GALNT13: variants seen among roughly 807,000 people sequenced by gnomAD.
The protein encoded by GALNT13 is polypeptide N-acetylgalactosaminyltransferase 13.
A neutral mutation model predicts 64.2 loss-of-function variants in GALNT13; 28 were observed. That is an observed-to-expected ratio of 0.44 (90% confidence interval 0.32 to 0.60). The LOEUF (loss-of-function observed/expected upper bound fraction) is 0.60, where lower values mean the gene tolerates loss of function less well. GALNT13 is among the 20% of genes least tolerant of loss of function. The pLI, the probability that GALNT13 is intolerant of heterozygous loss-of-function variation, is 0.05. For missense variants in GALNT13, 577 were observed against 669.8 expected (o/e 0.86, Z 1.53); for synonymous variants, 214 against 224.6 (o/e 0.95, Z 0.42).
chr2:154,184,209 A>T (rs1686124565), intron 4 of GALNT13, among the ~76,000 whole-genome samples: 1 of 152,152 alleles, frequency 6.6e-6, no homozygotes, highest in South Asian at 2.1e-4. Context: ...CCTATAATCT[A>T]TTTTTTATAT....
chr2:154,181,760 T>C (rs1321538050), intron 4 of GALNT13, among the ~76,000 whole-genome samples: 1 of 152,066 alleles, frequency 6.6e-6, no homozygotes, highest in Admixed American at 6.6e-5. Context: ...TATTTTTTCA[T>C]ACTTTAAAAA....
At position 154,318,161 on chromosome 2, in the gene GALNT13, A is replaced by C. The variant is rs143728391; in HGVS notation, c.1156+16572A>C. ...TGTATTTGCTCTCATTTTCTTATTA[A>C]TTTGTGTGATTGATTATCCCTGGCT... On this transcript the variant is annotated intron_variant, in intron 9 of 12. Coordinates refer to ENST00000392825, the MANE Select transcript of GALNT13 (RefSeq NM_052917.4). Among the ~76,000 whole-genome samples, 557 of 152,142 alleles carry C rather than the reference A, an allele frequency of 3.7e-3. 7 individuals are homozygous for C. The highest frequency in any genetic ancestry group is 0.012 in the African/African-American group (508 of 41,512).
chr2:154,362,253 C>T (rs1449252256), intron 9 of GALNT13, among the ~76,000 whole-genome samples: 2 of 150,486 alleles, frequency 1.3e-5, no homozygotes, highest in Non-Finnish European at 3.0e-5. Context: ...ACCCCCACCC[C>T]ACCCCACATC....
At chr2:153,181,279 C>T in the GALNT13 span, among the ~76,000 whole-genome samples, 72 of 150,466 alleles carry the variant, frequency 4.8e-4, 1 homozygote, top group African/African-American at 1.5e-3. Context: ...TTCAGGAGTA[C>T]GTTTTAAAAT....
At chr2:153,200,153 G>T in the GALNT13 span, among the ~76,000 whole-genome samples, 1 of 152,210 alleles carries the variant, frequency 6.6e-6, no homozygotes, top group Non-Finnish European at 1.5e-5. Context: ...TCACCCTTGA[G>T]ACTGAAATCA....
intron 4 of GALNT13, among the ~76,000 whole-genome samples, chr2:154,208,814 T>C (rs1002278679): frequency 6.6e-5 from 10 of 152,164 alleles, no homozygotes; most frequent in Non-Finnish European, 1.5e-4. Flanking sequence ...AAAGTATATA[T>C]ATTTTAATCC....
the GALNT13 span, among the ~76,000 whole-genome samples, chr2:153,215,373 C>T: frequency 6.6e-6 from 1 of 152,088 alleles, no homozygotes; most frequent in Non-Finnish European, 1.5e-5. Flanking sequence ...AAACAATTTA[C>T]ACATTAGCAT....
chr2:153,350,676 C>T, the GALNT13 span, among the ~76,000 whole-genome samples: 28 of 152,230 alleles, frequency 1.8e-4, no homozygotes, highest in East Asian at 4.1e-3. Flanking sequence ...AGCCACCACA[C>T]CTGGTTATGC....
the GALNT13 span, among the ~76,000 whole-genome samples, chr2:153,613,396 G>A: frequency 1.3e-5 from 2 of 151,932 alleles, no homozygotes; most frequent in South Asian, 2.1e-4. Context: ...ATAAATATGT[G>A]CATTTTTTCT....
chr2:153,478,464 G>T, the GALNT13 span: 11 of 1,613,462 alleles, frequency 6.8e-6, no homozygotes, highest in Non-Finnish European at 9.3e-6. Context: ...CGGTCACCAC[G>T]GACGCCTGGG....
At chr2:153,700,471 A>T in the GALNT13 span, among the ~76,000 whole-genome samples, 1 of 152,314 alleles carries the variant, frequency 6.6e-6, no homozygotes, top group East Asian at 1.9e-4. Context: ...TATTCAACAT[A>T]GTACTGGAAT....
chr2:153,133,777 C>T, the GALNT13 span, among the ~76,000 whole-genome samples: 2 of 146,710 alleles, frequency 1.4e-5, no homozygotes, highest in South Asian at 4.3e-4. Flanking sequence ...AAAATGGCCT[C>T]TTCTCGATGA....
upstream of GALNT13, among the ~76,000 whole-genome samples, chr2:153,869,100 T>C (rs967976602): frequency 3.3e-5 from 5 of 152,186 alleles, no homozygotes; most frequent in African/African-American, 1.2e-4. Context: ...ATTCTCTCTA[T>C]AGGTATTTCT....
At chr2:153,996,723 A>T (rs541814648) in intron 3 of GALNT13, among the ~76,000 whole-genome samples, 1 of 152,210 alleles carries the variant, frequency 6.6e-6, no homozygotes, top group South Asian at 2.1e-4. Flanking sequence ...GCTTTTCAGG[A>T]TCTATCTGAA....
chr2:153,953,618 C>T (rs538416280), intron 3 of GALNT13, among the ~76,000 whole-genome samples: 33 of 152,220 alleles, frequency 2.2e-4, no homozygotes, highest in African/African-American at 7.2e-4. Context: ...CATTTGGATA[C>T]CAGTGTGGAG....
At chr2:154,007,166 A>T (rs1169012394) in intron 3 of GALNT13, among the ~76,000 whole-genome samples, 1 of 152,260 alleles carries the variant, frequency 6.6e-6, no homozygotes, top group Non-Finnish European at 1.5e-5. Flanking sequence ...CCATATCATA[A>T]TAGGGCCCTG....
chr2:154,072,960 C>T (rs1044166585), intron 3 of GALNT13, among the ~76,000 whole-genome samples: 2 of 151,978 alleles, frequency 1.3e-5, no homozygotes, highest in Non-Finnish European at 2.9e-5. Context: ...CAGCGATTCT[C>T]AAATTGTGAT....
chr2:153,604,980 T>A, the GALNT13 span, among the ~76,000 whole-genome samples: 1 of 152,078 alleles, frequency 6.6e-6, no homozygotes, highest in African/African-American at 2.4e-5. Context: ...GGTAAATGAC[T>A]TTTTTGGGAT....
the GALNT13 span, among the ~76,000 whole-genome samples, chr2:153,753,201 A>G: frequency 2.0e-5 from 3 of 152,184 alleles, no homozygotes; most frequent in East Asian, 1.9e-4. Context: ...TGAATTACCT[A>G]TACAATAGGT....
Sources: gnomAD v4.1 joint callset for allele counts (sites outside exome capture counted in the v4.1 genomes callset) on GRCh38, gnomAD v4.1.1 for gene constraint, MANE v1.5 for transcripts, NCBI Gene and HGNC (gene_info 2026-07-23, HGNC 2026-07-21) for gene names.